Variants in PSG1 observed in about 807,000 individuals in gnomAD.
PSG1 encodes the protein pregnancy-specific beta-1-glycoprotein 1.
In PSG1, 60 loss-of-function variants were observed where a neutral mutation model predicts 41.4. That is an observed-to-expected ratio of 1.45 (90% CI 1.18 to 1.80). The LOEUF is 1.80. Ranked by LOEUF, PSG1 falls within the 40% of genes most tolerant of loss-of-function variation. PSG1 has a pLI of 0.00. For synonymous variants in PSG1, 256 were observed against 192.9 expected, an observed-to-expected ratio of 1.33 and a Z score of -2.71; for missense variants, 806 against 516.9, an observed-to-expected ratio of 1.56 and a Z score of -5.42.
intron 1 of PSG1, among the ~76,000 whole-genome samples, chr19:42,878,601 C>T (rs1336316835): frequency 7.1e-6 from 1 of 140,768 alleles, no homozygotes; most frequent in Middle Eastern, 3.5e-3. Flanking sequence ...CCCTCAGGTC[C>T]TGCTTACATC....
chr19:42,872,371 T>C (rs1050957560), intron 2 of PSG1, among the ~76,000 whole-genome samples: 1 of 151,618 alleles, frequency 6.6e-6, no homozygotes, highest in Non-Finnish European at 1.5e-5. Flanking sequence ...CTGGCCCACC[T>C]TGTGGTCCTC....
At position 42,872,130 on chromosome 19, in the gene PSG1, C is replaced by A. The variant is rs1362478601; in HGVS notation, c.431-85G>T. 19 of 1,521,996 alleles carry A rather than the reference C, an allele frequency of 1.2e-5. 1 individual carries two copies. The highest frequency in any genetic ancestry group is 4.0e-4 in the Middle Eastern group (2 of 4,998). The allele number at this position is 1,521,996 out of a possible 1,614,324, so 94.3% of individuals were successfully genotyped here. ...TTTTTCAATCAGAATTGGCATTTCC[C>A]ACCTCTCAGCCCACCCAAGTCCTTA... On this transcript the variant is annotated intron_variant, in intron 2 of 5. Coordinates refer to ENST00000436291, the MANE Select transcript of PSG1 (RefSeq NM_001184825.2).
At chr19:42,875,804 T>A (rs1158975336) in intron 2 of PSG1, among the ~76,000 whole-genome samples, 3 of 146,968 alleles carry the variant, frequency 2.0e-5, no homozygotes, top group African/African-American at 7.5e-5. Flanking sequence ...TTTCAATTAT[T>A]TTATTTTATT....
intron 2 of PSG1, chr19:42,874,193 G>C (rs749127392): frequency 3.3e-5 from 5 of 151,630 alleles, no homozygotes; most frequent in Non-Finnish European, 7.4e-5. Context: ...TAAATATGAA[G>C]TTGAATATGT....
chr19:42,870,779 A>G lies in PSG1; in HGVS notation c.709+988T>C, dbSNP rs570523883. 1.2e-3 allele frequency: 181 copies of G among 151,766 alleles called. 3 individuals carry two copies. The highest frequency in any genetic ancestry group is 4.3e-3 in the African/African-American group (179 of 41,350). 9.4% of individuals were successfully genotyped at this position (151,766 alleles called of 1,614,324 possible). A position where few individuals can be genotyped will look rare whatever the true frequency, so the allele number is the denominator to read the frequency against. On this transcript the variant is annotated intron_variant, in intron 3 of 5. Transcript: ENST00000436291. Reference sequence around the variant, plus strand: ...ATTGATATCGTCTTTAATTTCTTTCAGCAATGGTTTGTAGTTTTCAGGGTA... The same window carrying G: ...ATTGATATCGTCTTTAATTTCTTTCGGCAATGGTTTGTAGTTTTCAGGGTA...
rs765524222 is a variant in PSG1 at position 42,868,805 on chromosome 19, C to T, written c.939G>A (p.Arg313=). ...CACTGCGGATGCCACCATATCGGTC[C>T]CGTATTTCACATTGATAGGGTCCTG... The part of the protein sequence containing the change: ...NETGPYQCEI[R]DRYGGIRSDP... The change falls in exon 4 of 6, where the codon CGG becomes CGA. Residue 313 remains arginine (R), a synonymous_variant. Transcript: ENST00000436291. 2.5e-6 allele frequency: 4 copies of T among 1,611,966 alleles called. No individual in the cohort carries two copies. Among genetic ancestry groups the T allele is most frequent in the East Asian group, 4.5e-5 (2 of 44,786 alleles).
chr19:42,872,789 C>T (rs1243806413), intron 2 of PSG1, among the ~76,000 whole-genome samples: 1 of 151,782 alleles, frequency 6.6e-6, no homozygotes, highest in African/African-American at 2.4e-5. Context: ...ATGCTCCCTT[C>T]CCCCTGTAGA....
intron 5 of PSG1, 22 bp from the exon 6 acceptor site, chr19:42,867,172 A>C: frequency 1.3e-6 from 1 of 766,596 alleles, no homozygotes; most frequent in South Asian, 1.3e-5. Context: ...TAATAAAAAC[A>C]CAGAAACAAT....
rs1971181845 is a variant in PSG1 at position 42,867,517 on chromosome 19, GTTT to G, written c.1244-370_1244-368del. The G allele has an allele frequency of 1.0e-5, 6 of 598,918 alleles. No individual in the cohort carries two copies. The South Asian group carries it at 1.3e-4, about 13-fold the overall frequency. The allele number at this position is 598,918 out of a possible 1,614,324, so 37.1% of individuals were successfully genotyped here. A position where few individuals can be genotyped will look rare whatever the true frequency, so the allele number is the denominator to read the frequency against. ...GTTCATATTGGTTCATTCTATCTAT[GTTT>G]TTAATATAACATCCGAATCAAAGCA... On this transcript the variant is annotated intron_variant, in intron 5 of 5. Coordinates refer to ENST00000436291, the MANE Select transcript of PSG1 (RefSeq NM_001184825.2).
chr19:42,874,179 A>G (rs191325664), intron 2 of PSG1: 1 of 151,846 alleles, frequency 6.6e-6, no homozygotes, highest in Admixed American at 6.6e-5. Context: ...TCAAAACAAA[A>G]TATTAAATAT....
At chr19:42,878,798 T>C (rs1971735926) in intron 1 of PSG1, among the ~76,000 whole-genome samples, 1 of 151,032 alleles carries the variant, frequency 6.6e-6, no homozygotes, top group African/African-American at 2.4e-5. Context: ...ACTTTTGTGA[T>C]CTTGGTTGCA....
chr19:42,872,068 A>C (rs1336759334), intron 2 of PSG1, 23 bp from the exon 3 acceptor site: 37 of 1,599,524 alleles, frequency 2.3e-5, no homozygotes, highest in Non-Finnish European at 3.2e-5. Context: ...CAGGGTGAAG[A>C]TTGCCGTGTG....
intron 1 of PSG1, 151 bp from the exon 2 acceptor site, chr19:42,878,429 A>ACACACACACACAC: frequency 7.8e-7 from 1 of 1,284,392 alleles, no homozygotes; most frequent in African/African-American, 1.6e-5. Flanking sequence ...ACACACACAC[A>ACACACACACACAC]AAAGCGGCAT....
At chr19:42,872,847 T>C (rs1971452151) in intron 2 of PSG1, among the ~76,000 whole-genome samples, 1 of 151,832 alleles carries the variant, frequency 6.6e-6, no homozygotes, top group Non-Finnish European at 1.5e-5. Flanking sequence ...ATGTGGATCT[T>C]TGCAAATGCA....
rs370459514 is a variant in PSG1 at position 42,871,775 on chromosome 19, T to C, written c.701A>G (p.Asn234Ser). The change falls in exon 3 of 6, where the codon AAT becomes AGT. Residue 234 changes from asparagine to serine, a missense_variant. By Grantham distance (46) the Asn-to-Ser change is conservative. Transcript: ENST00000436291. ...GAACAGAAGATACTCACGGAGGAGA[T>C]TCAGGGTGACTGGGTCACTGCGGCT... ...SASRSDPVTL[N>S]LLPKLPKPYI... 32 of 1,612,410 alleles carry C rather than the reference T, an allele frequency of 2.0e-5. 1 individual carries two copies. The highest frequency in any genetic ancestry group is 2.5e-5 in the Non-Finnish European group (30 of 1,179,236).
At chr19:42,874,841 G>A (rs1354750340) in intron 2 of PSG1, among the ~76,000 whole-genome samples, 1 of 151,408 alleles carries the variant, frequency 6.6e-6, no homozygotes. Context: ...AGTCCACTCA[G>A]AGATGGAGTG....
At chr19:42,873,516 A>G (rs1971480837) in intron 2 of PSG1, among the ~76,000 whole-genome samples, 1 of 151,766 alleles carries the variant, frequency 6.6e-6, no homozygotes, top group Non-Finnish European at 1.5e-5. Flanking sequence ...AAACATTAAA[A>G]TGTTTTCATA....
At position 42,873,969 on chromosome 19, in the gene PSG1, C is replaced by A. The variant is rs1292304582; in HGVS notation, c.431-1924G>T. On this transcript the variant is annotated intron_variant, in intron 2 of 5. Transcript: ENST00000436291. ...AGTGAGATGGCAATGGCTCTTGTGT[C>A]TCCCCACACGAAGATCTCCAACTTA... 4.6e-5 allele frequency: 7 copies of A among 151,458 alleles called. No homozygotes were observed. The East Asian group carries it at 1.4e-3, about 29-fold the overall frequency. 9.4% of individuals were successfully genotyped at this position (151,458 alleles called of 1,614,324 possible). A position where few individuals can be genotyped will look rare whatever the true frequency, so the allele number is the denominator to read the frequency against.
At position 42,879,533 on chromosome 19, in the gene PSG1, C is replaced by T. The variant is rs761604220; in HGVS notation, c.49G>A (p.Gly17Arg). Residue 17 changes from glycine to arginine, a missense_variant, in exon 1 of 6, where the codon GGG (glycine) becomes AGG (arginine). Transcript: ENST00000436291. ...PPCTQRIKWK[G>R]LLLTASLLNF... Reference sequence around the variant, plus strand: ...CTCTCCTCACCTGTGAGCAGGAGCCCCTTCCATTTGATGCGCTGTGTGCAG... The same window carrying T: ...CTCTCCTCACCTGTGAGCAGGAGCCTCTTCCATTTGATGCGCTGTGTGCAG... 1.2e-5 allele frequency: 19 copies of T among 1,610,462 alleles called. 2 individuals carry two copies. Among genetic ancestry groups the T allele is most frequent in the Admixed American group, 5.0e-5 (3 of 59,770 alleles).
Sources: gnomAD v4.1 joint callset for allele counts (sites outside exome capture counted in the v4.1 genomes callset) on GRCh38, gnomAD v4.1.1 for gene constraint, MANE v1.5 for transcripts, NCBI Gene and HGNC (gene_info 2026-07-23, HGNC 2026-07-21) for gene names.